Variants in DPP10 observed in about 807,000 individuals in gnomAD.
The protein encoded by DPP10 is dipeptidyl peptidase like 10.
DPP10 carries 33 observed loss-of-function variants against 120.9 expected under a neutral mutation model. The ratio of observed to expected loss-of-function variants is 0.27; its 90% CI spans 0.21 to 0.37. The LOEUF (loss-of-function observed/expected upper bound fraction) is 0.37, where lower values mean the gene tolerates loss of function less well. Among genes scored for constraint, DPP10 ranks in the 10% least tolerant of loss-of-function variants. The pLI is 1.00. For synonymous variants in DPP10, 337 were observed against 326.1 expected (o/e 1.03, Z -0.36); for missense variants, 816 against 942.8 (o/e 0.87, Z 1.76).
rs1447017936 is a variant in DPP10 at position 115,273,343 on chromosome 2, TG to T, written c.61-35895del. ...TTGAGACAGCTTGCTTTTTTTTGTT[TG>T]TTTGTGTTTTTTGTTTTGACCGAGT... On this transcript the variant is annotated intron_variant, in intron 1 of 25. Transcript: ENST00000410059. Among the ~76,000 whole-genome samples, 3 of 152,218 alleles carry T rather than the reference TG, an allele frequency of 2.0e-5. No homozygotes were observed. The East Asian group carries it at 5.8e-4, about 29-fold the overall frequency.
chr2:114,531,063 T>A (rs913730250), intron 1 of DPP10, among the ~76,000 whole-genome samples: 1 of 152,152 alleles, frequency 6.6e-6, no homozygotes, highest in East Asian at 1.9e-4. Flanking sequence ...GGGGGATACA[T>A]GAGGACAAAC....
At chr2:115,308,369 A>T (rs1191371192) in intron 1 of DPP10, among the ~76,000 whole-genome samples, 1 of 152,216 alleles carries the variant, frequency 6.6e-6, no homozygotes, top group South Asian at 2.1e-4. Flanking sequence ...AAAGGATGAA[A>T]AGCAGTTGGG....
At chr2:115,250,471 A>G (rs2058708299) in intron 1 of DPP10, among the ~76,000 whole-genome samples, 1 of 152,166 alleles carries the variant, frequency 6.6e-6, no homozygotes, top group African/African-American at 2.4e-5. Context: ...AAGAGAGAAG[A>G]TTGGAAGAGA....
chr2:114,655,206 C>A (rs1030092677), intron 1 of DPP10, among the ~76,000 whole-genome samples: 1 of 152,136 alleles, frequency 6.6e-6, no homozygotes, highest in Non-Finnish European at 1.5e-5. Context: ...TTAAAAAGTG[C>A]TATTACTTGC....
intron 1 of DPP10, among the ~76,000 whole-genome samples, chr2:114,653,390 T>C (rs1348529906): frequency 6.6e-6 from 1 of 152,136 alleles, no homozygotes; most frequent in Non-Finnish European, 1.5e-5. Context: ...GTGGAGCCTG[T>C]GGAAACCGAT....
At chr2:114,483,238 A>G (rs1310953878) in intron 1 of DPP10, among the ~76,000 whole-genome samples, 1 of 151,804 alleles carries the variant, frequency 6.6e-6, no homozygotes, top group Admixed American at 6.6e-5. Context: ...TTTTCTCAAT[A>G]TTCTTCAGAA....
At chr2:115,062,718 T>C (rs1706517851) in intron 1 of DPP10, among the ~76,000 whole-genome samples, 1 of 152,220 alleles carries the variant, frequency 6.6e-6, no homozygotes, top group South Asian at 2.1e-4. Context: ...AAGGACATGA[T>C]CTCATTCCTT....
intron 1 of DPP10, chr2:114,835,429 C>G (rs1286903978): frequency 2.0e-5 from 3 of 151,978 alleles, no homozygotes; most frequent in Non-Finnish European, 2.9e-5. Context: ...TAAGACATAT[C>G]TACACACCTA....
chr2:114,760,144 T>C (rs1247990409), intron 1 of DPP10, among the ~76,000 whole-genome samples: 1 of 152,164 alleles, frequency 6.6e-6, no homozygotes, highest in Non-Finnish European at 1.5e-5. Flanking sequence ...CCCACCCAGA[T>C]CCTCTTTACC....
chr2:115,293,918 A>G (rs2060770008), intron 1 of DPP10, among the ~76,000 whole-genome samples: 1 of 152,108 alleles, frequency 6.6e-6, no homozygotes, highest in Non-Finnish European at 1.5e-5. Context: ...GTCTTCCCTG[A>G]CAGCCAAGTC....
At chr2:115,141,604 G>A (rs2050931026) in intron 1 of DPP10, among the ~76,000 whole-genome samples, 1 of 152,142 alleles carries the variant, frequency 6.6e-6, no homozygotes, top group Non-Finnish European at 1.5e-5. Flanking sequence ...TAACTTGTTC[G>A]ACTGCATTAT....
intron 1 of DPP10, among the ~76,000 whole-genome samples, chr2:114,576,731 A>G (rs1259249597): frequency 4.6e-5 from 7 of 152,194 alleles, no homozygotes; most frequent in Admixed American, 4.6e-4. Flanking sequence ...CACCCTACAG[A>G]AGCCAACACT....
chr2:115,323,879 T>C (rs184421660), intron 2 of DPP10, among the ~76,000 whole-genome samples: 10 of 152,276 alleles, frequency 6.6e-5, no homozygotes, highest in East Asian at 5.8e-4. Context: ...TGTTGTTTCA[T>C]TTATAAAGCA....
chr2:115,400,213 A>G (rs377258471), intron 3 of DPP10, among the ~76,000 whole-genome samples: 5 of 152,170 alleles, frequency 3.3e-5, no homozygotes, highest in Admixed American at 6.5e-5. Context: ...ACAATTTGAC[A>G]TGAGATTTGG....
intron 1 of DPP10, among the ~76,000 whole-genome samples, chr2:114,870,224 C>A (rs546224722): frequency 6.6e-6 from 1 of 152,206 alleles, no homozygotes; most frequent in East Asian, 1.9e-4. Context: ...TGACCTTGGA[C>A]AAACTTCTCA....
chr2:115,554,988 G>T (rs1055974495), intron 5 of DPP10, among the ~76,000 whole-genome samples: 1 of 152,018 alleles, frequency 6.6e-6, no homozygotes, highest in African/African-American at 2.4e-5. Context: ...TTAAGCTCCT[G>T]TTGAGTACTG....
In DPP10 at chr2:114,918,733, A is replaced by C. The variant is rs13387697; in HGVS notation, c.61-390506A>C. Among the ~76,000 whole-genome samples the C allele has an allele frequency of 8.8e-3, 1,346 of 152,256 alleles. 19 individuals are homozygous for C. Among genetic ancestry groups the C allele is most frequent in the African/African-American group, 0.031 (1,294 of 41,548 alleles). ...ACTGCATGTTCTCACTTATATGTGGATGCTAAACACTGAGTACACATGTAC... is the reference window on the plus strand; with the variant it reads ...ACTGCATGTTCTCACTTATATGTGGCTGCTAAACACTGAGTACACATGTAC... On this transcript the variant is annotated intron_variant, in intron 1 of 25. Coordinates refer to ENST00000410059, the MANE Select transcript of DPP10 (RefSeq NM_020868.6).
At position 114,644,507 on chromosome 2, in the gene DPP10, G is replaced by C. The variant is rs934095824; in HGVS notation, c.60+201669G>C. On this transcript the variant is annotated intron_variant, in intron 1 of 25. Transcript: ENST00000410059. Reference sequence around the variant, plus strand: ...AATTTTACTCCCTATGTCATCCAAAGTGGGACTCTCATTGCTGATGGTCTA... The same window carrying C: ...AATTTTACTCCCTATGTCATCCAAACTGGGACTCTCATTGCTGATGGTCTA... Among the ~76,000 whole-genome samples, 5 of 151,794 alleles carry C rather than the reference G, an allele frequency of 3.3e-5. No individual in the cohort carries two copies. In the South Asian group the frequency reaches 1.0e-3, roughly 31 times the overall value.
intron 1 of DPP10, among the ~76,000 whole-genome samples, chr2:114,643,911 A>G (rs34610729): frequency 0.13 from 18,437 of 141,882 alleles, 1,236 homozygotes; most frequent in East Asian, 0.14. Flanking sequence ...GTATATATAT[A>G]TGTGTGTGTA....
Sources: gnomAD v4.1 joint callset for allele counts (sites outside exome capture counted in the v4.1 genomes callset) on GRCh38, gnomAD v4.1.1 for gene constraint, MANE v1.5 for transcripts, NCBI Gene and HGNC (gene_info 2026-07-23, HGNC 2026-07-21) for gene names.